RGS12: variants seen among roughly 807,000 people sequenced by gnomAD.
The protein encoded by RGS12 is regulator of G-protein signaling 12.
RGS12 carries 66 observed loss-of-function variants against 120.1 expected under a neutral mutation model. The observed-to-expected ratio is 0.55, with a 90% CI of 0.45 to 0.67. The LOEUF (loss-of-function observed/expected upper bound fraction) is 0.67. Among genes scored for constraint, RGS12 ranks in the 30% least tolerant of loss-of-function variants. The probability of loss-of-function intolerance (pLI) is 0.00; values close to 1 mark genes in which losing one functional copy is unlikely to be tolerated. For synonymous variants in RGS12, 827 were observed against 804.7 expected, an observed-to-expected ratio of 1.03 and a Z score of -0.47; for missense variants, 1,859 against 1,957.7, an observed-to-expected ratio of 0.95 and a Z score of 0.95.
intron 3 of RGS12, among the ~76,000 whole-genome samples, chr4:3,376,347 C>T (rs1002229232): frequency 7.2e-5 from 11 of 152,176 alleles, no homozygotes; most frequent in South Asian, 2.1e-4. Flanking sequence ...CTGCCCTCCC[C>T]GCAGACCGTG....
At chr4:3,414,939 C>A in intron 6 of RGS12, 95 bp downstream of exon 6, 2 of 764,278 alleles carry the variant, frequency 2.6e-6, no homozygotes, top group African/African-American at 2.3e-5. Flanking sequence ...GTGTGAGGGG[C>A]ATGTGAGGGG....
chr4:3,315,234 G>A (rs183711265), intron 1 of RGS12, among the ~76,000 whole-genome samples: 1 of 152,322 alleles, frequency 6.6e-6, no homozygotes, highest in Admixed American at 6.5e-5. Context: ...GAATCCTTTC[G>A]CTGTAATGAA....
intron 3 of RGS12, among the ~76,000 whole-genome samples, chr4:3,368,503 T>G (rs1322434556): frequency 2.5e-5 from 3 of 119,170 alleles, no homozygotes; most frequent in Admixed American, 8.9e-5. Context: ...TGTGTGTGTG[T>G]GGGTGCCTGT....
At chr4:3,393,004 C>G (rs1346998153) in intron 4 of RGS12, among the ~76,000 whole-genome samples, 1 of 152,066 alleles carries the variant, frequency 6.6e-6, no homozygotes, top group Non-Finnish European at 1.5e-5. Context: ...ACAAAAAACC[C>G]CAAAATGTTT....
chr4:3,434,021 G>A (rs1474038100), intron 17 of RGS12, among the ~76,000 whole-genome samples: 1 of 152,260 alleles, frequency 6.6e-6, no homozygotes, highest in Non-Finnish European at 1.5e-5. Context: ...AGGTGTGCAT[G>A]TGTCCACACA....
At chr4:3,432,674 C>T (rs908101421) in intron 17 of RGS12, among the ~76,000 whole-genome samples, 6 of 152,230 alleles carry the variant, frequency 3.9e-5, no homozygotes, top group Non-Finnish European at 7.3e-5. Context: ...TGGGTGGTAC[C>T]GGCCTTGGGA....
At chr4:3,414,922 GCC>G in intron 6 of RGS12, 78 bp downstream of exon 6, 1 of 1,054,168 alleles carries the variant, frequency 9.5e-7, no homozygotes, top group Non-Finnish European at 1.5e-6. Context: ...GTGTGAGAGG[GCC>G]ACGTGTGTGA....
chr4:3,368,472 GGTGCCTGTGTGTGA>G, intron 3 of RGS12, among the ~76,000 whole-genome samples: 1 of 122,720 alleles, frequency 8.1e-6, no homozygotes, highest in Non-Finnish European at 1.8e-5. Flanking sequence ...TGTGTGTGGG[GGTGCCTGTGTGTGA>G]GGTGCCTGTG....
intron 3 of RGS12, chr4:3,369,801 A>T (rs538373764): frequency 6.4e-6 from 1 of 157,248 alleles, no homozygotes; most frequent in East Asian, 1.9e-4. Context: ...CACGGAATAC[A>T]GATAGCACTG....
At chr4:3,431,241 G>A in intron 17 of RGS12, 1 of 1,302,358 alleles carries the variant, frequency 7.7e-7, no homozygotes, top group East Asian at 3.4e-5. Context: ...CTGCAGCGAG[G>A]TCTGGGAACA....
At position 3,409,993 on chromosome 4, in the gene RGS12, G is replaced by A. The variant is rs374009624; in HGVS notation, c.2021-4079G>A. ...GGCTCCCTGCTCTGCCCAGCTCAGC[G>A]TGGCTTGTCCTGTCATGGAAGTTCT... On this transcript the variant is annotated intron_variant, in intron 4 of 17. Transcript: ENST00000336727. Among the ~76,000 whole-genome samples, 8 of 152,296 alleles carry A rather than the reference G, an allele frequency of 5.3e-5. No individual in the cohort carries two copies. In the South Asian group the frequency reaches 6.2e-4, roughly 12 times the overall value.
intron 3 of RGS12, among the ~76,000 whole-genome samples, chr4:3,349,274 G>A (rs975579539): frequency 2.6e-5 from 4 of 152,048 alleles, no homozygotes; most frequent in African/African-American, 2.4e-5. Context: ...ATAGGCCTTC[G>A]ATGACATCCT....
intron 3 of RGS12, among the ~76,000 whole-genome samples, chr4:3,346,728 A>G (rs915933186): frequency 2.6e-5 from 4 of 152,202 alleles, no homozygotes; most frequent in Non-Finnish European, 4.4e-5. Context: ...TTCTCTCTAC[A>G]TTGATCACAC....
chr4:3,386,365 A>G (rs752350578), intron 3 of RGS12, 51 bp from the exon 4 acceptor site: 2 of 1,572,096 alleles, frequency 1.3e-6, no homozygotes, highest in Admixed American at 3.3e-5. Flanking sequence ...CGTTTCCTGG[A>G]GTTTTGTCAT....
chr4:3,413,851 C>T, intron 4 of RGS12: 1 of 533,676 alleles, frequency 1.9e-6, no homozygotes, highest in Non-Finnish European at 3.4e-6. Flanking sequence ...CACACATGTG[C>T]AGCCGCTCAA....
intron 3 of RGS12, among the ~76,000 whole-genome samples, chr4:3,377,231 C>A (rs1717800563): frequency 6.6e-6 from 1 of 152,026 alleles, no homozygotes; most frequent in East Asian, 1.9e-4. Context: ...ACCACCACAC[C>A]CAGCTAATTT....
intron 2 of RGS12, chr4:3,342,343 C>A: frequency 8.8e-7 from 1 of 1,138,758 alleles, no homozygotes; most frequent in Non-Finnish European, 1.1e-6. Flanking sequence ...ATGGGCACAA[C>A]ATAGATGTTT....
At chr4:3,346,618 G>T (rs1578784505) in intron 3 of RGS12, among the ~76,000 whole-genome samples, 1 of 152,336 alleles carries the variant, frequency 6.6e-6, no homozygotes, top group East Asian at 1.9e-4. Context: ...GAGAAAGTTG[G>T]ATGGGAGGAA....
chr4:3,403,147 A>G lies in RGS12; in HGVS notation c.2021-10925A>G, dbSNP rs549022694. Among the ~76,000 whole-genome samples the G allele has an allele frequency of 5.2e-4, 79 of 151,854 alleles. 4 individuals carry two copies. The South Asian group carries it at 0.014, about 26-fold the overall frequency. ...TTTCACCCCCGCCTGTTGGCATTTC[A>G]CTCTCCAGAAGGACTTGGTGTCACT... On this transcript the variant is annotated intron_variant, in intron 4 of 17. Coordinates refer to ENST00000336727, the MANE Select transcript of RGS12 (RefSeq NM_001394154.1).
Sources: allele counts gnomAD v4.1 joint callset (sites outside exome capture counted in the v4.1 genomes callset), GRCh38; gene constraint gnomAD v4.1.1; transcripts MANE v1.5; gene names NCBI Gene and HGNC (gene_info 2026-07-23, HGNC 2026-07-21).